Variants in SEMA5A observed in about 807,000 individuals in gnomAD.
SEMA5A encodes the protein semaphorin 5A.
SEMA5A carries 55 observed loss-of-function variants against 135.5 expected under a neutral mutation model. The observed-to-expected ratio is 0.41, with a 90% confidence interval of 0.33 to 0.51. SEMA5A has a LOEUF of 0.51. Ranked by LOEUF, SEMA5A falls within the 20% of genes least tolerant of loss-of-function variation. The pLI, the probability that SEMA5A is intolerant of heterozygous loss-of-function variation, is 0.37. For synonymous variants in SEMA5A, 580 were observed against 546.5 expected, an observed-to-expected ratio of 1.06 and a Z score of -0.85; for missense variants, 1,290 against 1,419.9, an observed-to-expected ratio of 0.91 and a Z score of 1.47.
intron 1 of SEMA5A, among the ~76,000 whole-genome samples, chr5:9,502,262 G>C (rs1042630642): frequency 6.6e-6 from 1 of 152,174 alleles, no homozygotes; most frequent in Admixed American, 6.5e-5. Context: ...GAGGATGGGT[G>C]TAACACGCAT....
In SEMA5A at chr5:9,039,842, G is replaced by A. The variant is rs186382940; in HGVS notation, c.*3055C>T. Reference sequence around the variant, plus strand: ...CCCTGGAGCTACAGGAAGCCCACATGTTGTGTAGTGTGCAGAAATTCTGTT... The same window carrying A: ...CCCTGGAGCTACAGGAAGCCCACATATTGTGTAGTGTGCAGAAATTCTGTT... On this transcript the variant is annotated 3_prime_UTR_variant, in exon 23 of 23. Coordinates refer to ENST00000382496, the MANE Select transcript of SEMA5A (RefSeq NM_003966.3). 3.2e-4 allele frequency: 49 copies of A among 152,374 alleles called. No homozygotes were observed. The highest frequency in any genetic ancestry group is 1.1e-3 in the African/African-American group (46 of 41,578). 9.4% of individuals were successfully genotyped at this position (152,374 alleles called of 1,614,324 possible).
At chr5:9,281,053 T>C (rs1750516154) in intron 5 of SEMA5A, among the ~76,000 whole-genome samples, 1 of 152,178 alleles carries the variant, frequency 6.6e-6, no homozygotes, top group Non-Finnish European at 1.5e-5. Context: ...ATTCTTACTT[T>C]ATAGATGAGA....
At chr5:9,429,182 G>A (rs974699193) in intron 2 of SEMA5A, among the ~76,000 whole-genome samples, 1 of 152,164 alleles carries the variant, frequency 6.6e-6, no homozygotes, top group African/African-American at 2.4e-5. Flanking sequence ...GAACAATGTG[G>A]GGGAAATTAT....
At chr5:9,295,495 T>TTGTC (rs1751292190) in intron 5 of SEMA5A, among the ~76,000 whole-genome samples, 1 of 152,118 alleles carries the variant, frequency 6.6e-6, no homozygotes, top group Admixed American at 6.5e-5. Context: ...AATTTGATAG[T>TTGTC]TGTCTAGGTG....
At chr5:9,504,377 T>G (rs1171995062) in intron 1 of SEMA5A, among the ~76,000 whole-genome samples, 2 of 152,204 alleles carry the variant, frequency 1.3e-5, no homozygotes, top group Admixed American at 6.5e-5. Context: ...CTCTTTTCAT[T>G]AATGTATTTA....
At chr5:9,098,657 C>T (rs1187200884) in intron 16 of SEMA5A, among the ~76,000 whole-genome samples, 3 of 152,220 alleles carry the variant, frequency 2.0e-5, no homozygotes, top group Admixed American at 6.5e-5. Context: ...TGAGCATTTG[C>T]TATGCCTTTA....
At chr5:9,150,193 C>T (rs958288716) in intron 12 of SEMA5A, among the ~76,000 whole-genome samples, 11 of 152,122 alleles carry the variant, frequency 7.2e-5, no homozygotes, top group African/African-American at 2.7e-4. Flanking sequence ...AGGTGCATGG[C>T]CTGGCCCACA....
intron 11 of SEMA5A, among the ~76,000 whole-genome samples, chr5:9,187,583 A>G (rs1744876855): frequency 6.6e-6 from 1 of 152,228 alleles, no homozygotes; most frequent in Non-Finnish European, 1.5e-5. Context: ...CCAACTAGTG[A>G]GAGATGGAAA....
At chr5:9,227,712 G>A (rs563132664) in intron 6 of SEMA5A, among the ~76,000 whole-genome samples, 62 of 152,010 alleles carry the variant, frequency 4.1e-4, no homozygotes, top group South Asian at 4.0e-3. Flanking sequence ...CACCACGCCC[G>A]GCCAATTTTT....
At chr5:9,137,641 C>G (rs1323531805) in intron 12 of SEMA5A, among the ~76,000 whole-genome samples, 6 of 152,114 alleles carry the variant, frequency 3.9e-5, no homozygotes, top group Admixed American at 3.3e-4. Flanking sequence ...AATGACCCCT[C>G]TTAGAGGCAG....
chr5:9,062,170 T>A (rs1205150686), intron 18 of SEMA5A, among the ~76,000 whole-genome samples: 4 of 151,938 alleles, frequency 2.6e-5, no homozygotes, highest in Non-Finnish European at 4.4e-5. Context: ...ATGAACACAA[T>A]CTAGCCTAGA....
intron 13 of SEMA5A, among the ~76,000 whole-genome samples, chr5:9,132,181 C>G (rs112628895): frequency 1.4e-3 from 216 of 152,212 alleles, no homozygotes; most frequent in African/African-American, 4.7e-3. Context: ...ATAGGGATCC[C>G]TCTGTAGAAA....
intron 1 of SEMA5A, among the ~76,000 whole-genome samples, chr5:9,490,745 TAGAG>T (rs1477763265): frequency 6.6e-6 from 1 of 152,182 alleles, no homozygotes; most frequent in Non-Finnish European, 1.5e-5. Context: ...CAAACCTACT[TAGAG>T]AGGTCTAAGG....
At chr5:9,119,232 A>T in intron 14 of SEMA5A, 91 bp from the exon 15 acceptor site, 4 of 1,476,082 alleles carry the variant, frequency 2.7e-6, no homozygotes, top group Non-Finnish European at 3.7e-6. Flanking sequence ...TGTGTTCCTC[A>T]GGAGGATCAC....
chr5:9,042,843 G>A lies in SEMA5A; in HGVS notation c.*54C>T. The A allele has an allele frequency of 1.2e-6, 2 of 1,606,214 alleles. No individual in the cohort carries two copies. The highest frequency in any genetic ancestry group is 4.5e-5 in the East Asian group (2 of 44,784). On this transcript the variant is annotated 3_prime_UTR_variant, in exon 23 of 23. Coordinates refer to ENST00000382496, the MANE Select transcript of SEMA5A (RefSeq NM_003966.3). ...GCCTCAGAAACATGGGCAGTCATGGGGCACAGGCCTTGAGGAACTGGGGAT... is the reference window on the plus strand; with the variant it reads ...GCCTCAGAAACATGGGCAGTCATGGAGCACAGGCCTTGAGGAACTGGGGAT...
intron 22 of SEMA5A, 38 bp downstream of exon 22, chr5:9,044,335 A>G: frequency 1.3e-6 from 2 of 1,560,392 alleles, no homozygotes; most frequent in South Asian, 2.2e-5. Flanking sequence ...GTGTTAAGGA[A>G]AACCAGGCAC....
intron 5 of SEMA5A, among the ~76,000 whole-genome samples, chr5:9,296,510 G>C (rs1173566186): frequency 2.0e-5 from 3 of 151,982 alleles, no homozygotes; most frequent in East Asian, 3.8e-4. Context: ...TATTCTATTT[G>C]AAATACTGTA....
chr5:9,291,873 A>G (rs1430079933), intron 5 of SEMA5A, among the ~76,000 whole-genome samples: 1 of 151,866 alleles, frequency 6.6e-6, no homozygotes, highest in Non-Finnish European at 1.5e-5. Flanking sequence ...TGTGGTGCTG[A>G]TTAGGTAGCA....
At chr5:9,232,952 T>C (rs1747715396) in intron 6 of SEMA5A, among the ~76,000 whole-genome samples, 1 of 152,214 alleles carries the variant, frequency 6.6e-6, no homozygotes, top group South Asian at 2.1e-4. Flanking sequence ...TAGTATGGTG[T>C]CATGAGTTTC....
Sources: gnomAD v4.1 joint callset for allele counts (sites outside exome capture counted in the v4.1 genomes callset) on GRCh38, gnomAD v4.1.1 for gene constraint, MANE v1.5 for transcripts, NCBI Gene and HGNC (gene_info 2026-07-23, HGNC 2026-07-21) for gene names.